Variants in PLEKHA5 observed in about 807,000 individuals in gnomAD.
The protein encoded by PLEKHA5 is pleckstrin homology domain containing A5.
In PLEKHA5, 55 loss-of-function variants were observed where a neutral mutation model predicts 181.9. The ratio of observed to expected loss-of-function variants is 0.30; its 90% CI spans 0.24 to 0.38. The LOEUF is 0.38. Among genes scored for constraint, PLEKHA5 ranks in the 10% least tolerant of loss-of-function variants. The pLI is 1.00. For missense variants in PLEKHA5, 1,432 were observed against 1,549.5 expected (o/e 0.92, Z 1.27); for synonymous variants, 535 against 529.4 (o/e 1.01, Z -0.15).
At chr12:19,311,645 G>C (rs1022577747) in intron 15 of PLEKHA5, among the ~76,000 whole-genome samples, 2 of 152,028 alleles carry the variant, frequency 1.3e-5, no homozygotes, top group Non-Finnish European at 1.5e-5. Flanking sequence ...TCAAGTTTTA[G>C]TATGAGATTG....
At chr12:19,353,160 T>C (rs1040948539) in intron 25 of PLEKHA5, among the ~76,000 whole-genome samples, 1 of 151,356 alleles carries the variant, frequency 6.6e-6, no homozygotes, top group African/African-American at 2.4e-5. Flanking sequence ...TATTTATTTT[T>C]TTATTTATTT....
At chr12:19,230,790 G>GA (rs1217324623) in intron 3 of PLEKHA5, among the ~76,000 whole-genome samples, 2 of 152,148 alleles carry the variant, frequency 1.3e-5, no homozygotes, top group African/African-American at 4.8e-5. Flanking sequence ...GGCCAGCCCA[G>GA]AGAGGGGCTC....
chr12:19,369,504 A>T (rs997016736), intron 30 of PLEKHA5, among the ~76,000 whole-genome samples, 189 bp from the exon 31 acceptor site: 1 of 151,232 alleles, frequency 6.6e-6, no homozygotes, highest in Non-Finnish European at 1.5e-5. Flanking sequence ...ACATGGTGAG[A>T]CCCCATCTCA....
Position 19,129,778 on chromosome 12 carries a change from C to A in PLEKHA5, c.-22C>A, listed in dbSNP as rs369907768. ...CCGCGGCGGCAGCAGGAGAAGGCGG[C>A]GGCGGCGGCTAGGGATCAGACATGG... On this transcript the variant is annotated 5_prime_UTR_variant, in exon 1 of 32. Transcript: ENST00000429027. 4 of 1,568,478 alleles carry A rather than the reference C, an allele frequency of 2.6e-6. No homozygotes were observed. In the Admixed American group the frequency reaches 5.1e-5, roughly 20 times the overall value.
chr12:19,234,153 C>T (rs2061048324), intron 3 of PLEKHA5, among the ~76,000 whole-genome samples: 1 of 152,204 alleles, frequency 6.6e-6, no homozygotes, highest in Non-Finnish European at 1.5e-5. Flanking sequence ...TAGATTTGCG[C>T]TTTTATAACT....
At chr12:19,134,707 A>G (rs1308338790) in intron 3 of PLEKHA5, among the ~76,000 whole-genome samples, 3 of 152,162 alleles carry the variant, frequency 2.0e-5, no homozygotes, top group African/African-American at 4.8e-5. Flanking sequence ...GTACCTTCAC[A>G]TACATTATTC....
Position 19,180,436 on chromosome 12 carries a change from T to C in PLEKHA5, c.227+47986T>C, listed in dbSNP as rs117833110. On this transcript the variant is annotated intron_variant, in intron 3 of 31. Transcript: ENST00000429027. The stretch of plus-strand genomic sequence containing the variant: ...TGGGGTACTTCACACAGAAAAATAA[T>C]AAAAATGTAGGGGGATTTGCCTTGT... Among the ~76,000 whole-genome samples the C allele has an allele frequency of 1.7e-3, 263 of 152,174 alleles. 3 individuals are homozygous for C. The East Asian group carries it at 0.027, about 15-fold the overall frequency.
At chr12:19,313,944 C>T (rs2087554373) in intron 15 of PLEKHA5, among the ~76,000 whole-genome samples, 1 of 151,926 alleles carries the variant, frequency 6.6e-6, no homozygotes, top group South Asian at 2.1e-4. Flanking sequence ...ATTTGTCAAC[C>T]ACGATAGAAA....
chr12:19,334,868 A>C lies in PLEKHA5; in HGVS notation c.2449-1647A>C, dbSNP rs866365381. The stretch of plus-strand genomic sequence containing the variant: ...TATATATATATATATATATATATAT[A>C]TCTCTGTATACGCACACACACACAA... On this transcript the variant is annotated intron_variant, in intron 20 of 31. Transcript: ENST00000429027. Among the ~76,000 whole-genome samples the C allele has an allele frequency of 2.4e-3, 124 of 52,510 alleles. 6 individuals carry two copies. Among genetic ancestry groups the C allele is most frequent in the South Asian group, 6.3e-3 (9 of 1,428 alleles). 34.4% of individuals were successfully genotyped at this position (52,510 alleles called of 152,430 possible).
intron 3 of PLEKHA5, among the ~76,000 whole-genome samples, chr12:19,143,296 G>T (rs1320081931): frequency 6.6e-6 from 1 of 152,148 alleles, no homozygotes; most frequent in Non-Finnish European, 1.5e-5. Flanking sequence ...TTGCTTGATG[G>T]CATTTTTTTA....
intron 10 of PLEKHA5, among the ~76,000 whole-genome samples, chr12:19,273,174 G>A (rs1246930303): frequency 6.6e-6 from 1 of 152,128 alleles, no homozygotes; most frequent in Non-Finnish European, 1.5e-5. Flanking sequence ...CTCCCAAAGT[G>A]CTGGGATTAC....
intron 3 of PLEKHA5, among the ~76,000 whole-genome samples, chr12:19,212,452 G>A (rs1381165541): frequency 1.3e-5 from 2 of 152,120 alleles, no homozygotes; most frequent in African/African-American, 2.4e-5. Context: ...AGGCCGAGGC[G>A]GGCTGATCAC....
intron 6 of PLEKHA5, among the ~76,000 whole-genome samples, chr12:19,258,425 C>T (rs2067419804): frequency 6.6e-6 from 1 of 151,986 alleles, no homozygotes. Flanking sequence ...TGATTGCTTT[C>T]AGGTGACCTA....
intron 3 of PLEKHA5, among the ~76,000 whole-genome samples, chr12:19,136,121 C>T (rs913367765): frequency 1.3e-5 from 2 of 152,050 alleles, no homozygotes; most frequent in Non-Finnish European, 1.5e-5. Flanking sequence ...CCTAGGCTCA[C>T]GCAATCCTCC....
chr12:19,318,734 C>T (rs1474772314), intron 16 of PLEKHA5, among the ~76,000 whole-genome samples: 1 of 152,074 alleles, frequency 6.6e-6, no homozygotes, highest in African/African-American at 2.4e-5. Context: ...ACCAGCCTGG[C>T]CAACATGGTG....
intron 20 of PLEKHA5, among the ~76,000 whole-genome samples, chr12:19,328,800 C>A (rs1310753858): frequency 6.6e-6 from 1 of 152,056 alleles, no homozygotes; most frequent in African/African-American, 2.4e-5. Flanking sequence ...AATTTGACTT[C>A]TTTTCCTATT....
intron 30 of PLEKHA5, among the ~76,000 whole-genome samples, chr12:19,367,913 A>G (rs1348077712): frequency 3.3e-5 from 5 of 151,886 alleles, no homozygotes; most frequent in African/African-American, 1.2e-4. Flanking sequence ...GTCCATAAGT[A>G]AAAAACCATT....
chr12:19,202,720 CGTATAAGGCTCAT>C (rs1258659293), intron 3 of PLEKHA5, among the ~76,000 whole-genome samples: 1 of 152,040 alleles, frequency 6.6e-6, no homozygotes, highest in African/African-American at 2.4e-5. Flanking sequence ...TGATAATTGC[CGTATAAGGCTCAT>C]GTATTCATTT....
intron 12 of PLEKHA5, among the ~76,000 whole-genome samples, chr12:19,284,315 G>A (rs1237671196): frequency 2.6e-5 from 4 of 151,994 alleles, no homozygotes; most frequent in African/African-American, 9.7e-5. Flanking sequence ...GTGACCCACT[G>A]GCCTCAGCCT....
Sources: gnomAD v4.1 joint callset for allele counts (sites outside exome capture counted in the v4.1 genomes callset) on GRCh38, gnomAD v4.1.1 for gene constraint, MANE v1.5 for transcripts, NCBI Gene and HGNC (gene_info 2026-07-23, HGNC 2026-07-21) for gene names.